The following SMARCC1 variants were observed in gnomAD, a reference collection of about 807,000 sequenced individuals.
SMARCC1 encodes the protein SWI/SNF complex subunit SMARCC1.
SMARCC1 carries 43 observed loss-of-function variants against 147.4 expected under a neutral mutation model. That is an observed-to-expected ratio of 0.29 (90% CI 0.23 to 0.38). SMARCC1 has a LOEUF of 0.38. Among genes scored for constraint, SMARCC1 ranks in the 10% least tolerant of loss-of-function variants. The pLI, the probability that SMARCC1 is intolerant of heterozygous loss-of-function variation, is 1.00. For missense variants in SMARCC1, 1,119 were observed against 1,381.1 expected (o/e 0.81, Z 3.01); for synonymous variants, 495 against 484.4 (o/e 1.02, Z -0.29).
chr3:47,737,212 C>A (rs538683842), intron 4 of SMARCC1, among the ~76,000 whole-genome samples: 1 of 152,094 alleles, frequency 6.6e-6, no homozygotes, highest in South Asian at 2.1e-4. Context: ...GCTAACATGG[C>A]AAAACCCCAT....
At chr3:47,694,669 A>G (rs2033827236) in intron 11 of SMARCC1, among the ~76,000 whole-genome samples, 1 of 152,172 alleles carries the variant, frequency 6.6e-6, no homozygotes, top group African/African-American at 2.4e-5. Context: ...ACTTTCATCA[A>G]CAGCATTTGA....
intron 2 of SMARCC1, among the ~76,000 whole-genome samples, chr3:47,748,480 T>C (rs983183113): frequency 6.6e-6 from 1 of 152,148 alleles, no homozygotes; most frequent in Admixed American, 6.6e-5. Context: ...CACCTTGGCC[T>C]CCCAAAGTGC....
chr3:47,668,042 T>C (rs2033445177), intron 19 of SMARCC1, among the ~76,000 whole-genome samples: 1 of 152,130 alleles, frequency 6.6e-6, no homozygotes. Flanking sequence ...TGCATATATA[T>C]ATAGATACGC....
intron 18 of SMARCC1, among the ~76,000 whole-genome samples, chr3:47,672,280 T>C (rs2033511279): frequency 6.6e-6 from 1 of 151,782 alleles, no homozygotes; most frequent in African/African-American, 2.4e-5. Context: ...AGTGGCACGA[T>C]CTTGGCTCAC....
At chr3:47,689,007 C>T (rs951767146) in intron 13 of SMARCC1, among the ~76,000 whole-genome samples, 3 of 151,782 alleles carry the variant, frequency 2.0e-5, no homozygotes, top group Admixed American at 6.6e-5. Context: ...CCCAGGAGTT[C>T]GCAACCAGCC....
At chr3:47,730,680 AC>A (rs2034363157) in intron 5 of SMARCC1, among the ~76,000 whole-genome samples, 1 of 152,076 alleles carries the variant, frequency 6.6e-6, no homozygotes, top group Admixed American at 6.6e-5. Context: ...AGCCTAGCCA[AC>A]GTGGTGAAAC....
chr3:47,686,193 CA>C, intron 13 of SMARCC1, 23 bp from the exon 14 acceptor site: 9 of 1,599,038 alleles, frequency 5.6e-6, no homozygotes, highest in Non-Finnish European at 7.7e-6. Flanking sequence ...AGACAAAGTT[CA>C]AAGAAAGAAA....
intron 18 of SMARCC1, 122 bp downstream of exon 18, chr3:47,675,353 G>A: frequency 3.7e-6 from 2 of 541,526 alleles, no homozygotes; most frequent in Non-Finnish European, 6.7e-6. Context: ...GAATATAAAA[G>A]GTAAGATAAA....
At chr3:47,597,199 C>G (rs1235621025) in intron 26 of SMARCC1, among the ~76,000 whole-genome samples, 1 of 151,862 alleles carries the variant, frequency 6.6e-6, no homozygotes, top group Non-Finnish European at 1.5e-5. Context: ...CTCTGTCACC[C>G]AGGCTGGAGT....
chr3:47,696,416 TACA>T (rs1250548960), intron 11 of SMARCC1, among the ~76,000 whole-genome samples: 20 of 151,740 alleles, frequency 1.3e-4, no homozygotes, highest in South Asian at 1.0e-3. Context: ...AACAAATTTA[TACA>T]ACACTAGACT....
chr3:47,742,591 CTCTT>C (rs1416112211), intron 3 of SMARCC1, among the ~76,000 whole-genome samples: 2 of 152,254 alleles, frequency 1.3e-5, no homozygotes, highest in South Asian at 2.1e-4. Context: ...TCTGTAATCT[CTCTT>C]TCTGTTTTTG....
In SMARCC1 at chr3:47,625,350, C is replaced by A. The variant is rs373891039; in HGVS notation, c.2647-3009G>T. ...AAAAAAGAAAGGAAAAAAAGAAAGA[C>A]CAGCCTCCCAAGTAGCTGGGACTAC... On this transcript the variant is annotated intron_variant, in intron 24 of 27. Transcript: ENST00000254480. Among the ~76,000 whole-genome samples the A allele has an allele frequency of 7.1e-4, 108 of 152,030 alleles. 1 individual carries two copies. The highest frequency in any genetic ancestry group is 2.5e-3 in the African/African-American group (104 of 41,482).
At chr3:47,655,759 G>C (rs986363489) in intron 21 of SMARCC1, among the ~76,000 whole-genome samples, 1 of 152,120 alleles carries the variant, frequency 6.6e-6, no homozygotes, top group East Asian at 1.9e-4. Context: ...CTAAAGCACA[G>C]TGTATATAAA....
At chr3:47,606,333 C>T (rs1364142723) in intron 26 of SMARCC1, among the ~76,000 whole-genome samples, 1 of 152,212 alleles carries the variant, frequency 6.6e-6, no homozygotes, top group African/African-American at 2.4e-5. Context: ...GTGGCACTGG[C>T]CTCACTTTGG....
intron 24 of SMARCC1, among the ~76,000 whole-genome samples, chr3:47,632,446 C>G (rs1226084583): frequency 2.0e-5 from 3 of 152,032 alleles, no homozygotes; most frequent in Non-Finnish European, 2.9e-5. Flanking sequence ...CCTCATGAAA[C>G]TTTTAAAAGG....
chr3:47,649,896 C>T (rs931254280), intron 21 of SMARCC1, among the ~76,000 whole-genome samples: 9 of 152,264 alleles, frequency 5.9e-5, no homozygotes, highest in African/African-American at 1.9e-4. Flanking sequence ...TATTAAATAA[C>T]TGATGTAGGA....
chr3:47,633,570 C>T (rs1440413963), intron 24 of SMARCC1, among the ~76,000 whole-genome samples: 1 of 151,108 alleles, frequency 6.6e-6, no homozygotes, highest in African/African-American at 2.4e-5. Context: ...ATGGCAAAAC[C>T]CTGTCTCTAC....
intron 19 of SMARCC1, chr3:47,663,652 T>A: frequency 6.6e-7 from 1 of 1,509,890 alleles, no homozygotes; most frequent in Non-Finnish European, 9.2e-7. Context: ...AGGTCCCCTT[T>A]GAACCATCGA....
intron 21 of SMARCC1, among the ~76,000 whole-genome samples, chr3:47,655,587 C>T (rs2033250814): frequency 6.6e-6 from 1 of 150,542 alleles, no homozygotes. Context: ...ATCCCAACTA[C>T]TTGGGAGGCT....
Sources: allele counts gnomAD v4.1 joint callset (sites outside exome capture counted in the v4.1 genomes callset), GRCh38; gene constraint gnomAD v4.1.1; transcripts MANE v1.5; gene names NCBI Gene and HGNC (gene_info 2026-07-23, HGNC 2026-07-21).